Variants in ARMC8 observed in about 807,000 individuals in gnomAD.
ARMC8 encodes armadillo repeat-containing protein 8.
In ARMC8, 20 loss-of-function variants were observed where a neutral mutation model predicts 99.3. That is an observed-to-expected ratio of 0.20 (90% CI 0.14 to 0.29). The LOEUF (loss-of-function observed/expected upper bound fraction) is 0.29. Ranked by LOEUF, ARMC8 falls within the 10% of genes least tolerant of loss-of-function variation. ARMC8 has a pLI of 1.00. For synonymous variants in ARMC8, 263 were observed against 278.3 expected, an observed-to-expected ratio of 0.95 and a Z score of 0.55; for missense variants, 569 against 809.5, an observed-to-expected ratio of 0.70 and a Z score of 3.60.
chr3:138,290,386 A>G (rs564568243), intron 20 of ARMC8, among the ~76,000 whole-genome samples, 160 bp from the exon 21 acceptor site: 2 of 152,326 alleles, frequency 1.3e-5, no homozygotes, highest in South Asian at 2.1e-4. Context: ...AGAGAGTCCA[A>G]GCATGAGCGG....
chr3:138,279,422 T>A (rs1420278798), intron 18 of ARMC8, among the ~76,000 whole-genome samples: 1 of 152,222 alleles, frequency 6.6e-6, no homozygotes. Context: ...TATTATCCTT[T>A]AGATATATTG....
At chr3:138,195,281 T>C (rs901485599) in intron 1 of ARMC8, among the ~76,000 whole-genome samples, 1 of 139,366 alleles carries the variant, frequency 7.2e-6, no homozygotes, top group Non-Finnish European at 1.5e-5. Context: ...CGAGACTCCG[T>C]CTCAAAAAAA....
intron 1 of ARMC8, among the ~76,000 whole-genome samples, chr3:138,209,356 C>T (rs1157677283): frequency 6.6e-6 from 1 of 152,138 alleles, no homozygotes; most frequent in African/African-American, 2.4e-5. Context: ...TCTTTCTTTT[C>T]TGTCTTACTG....
At chr3:138,239,979 C>G (rs1438292332) in intron 10 of ARMC8, among the ~76,000 whole-genome samples, 1 of 152,126 alleles carries the variant, frequency 6.6e-6, no homozygotes, top group East Asian at 1.9e-4. Context: ...TGAAAACAAG[C>G]ATTGTCATTG....
chr3:138,189,956 A>G (rs2043282651), intron 1 of ARMC8, among the ~76,000 whole-genome samples: 1 of 151,994 alleles, frequency 6.6e-6, no homozygotes, highest in African/African-American at 2.4e-5. Context: ...ATAATCTCTG[A>G]TTCTTCCTCC....
At chr3:138,248,336 G>A (rs1229867259) in intron 12 of ARMC8, among the ~76,000 whole-genome samples, 2 of 152,186 alleles carry the variant, frequency 1.3e-5, no homozygotes, top group Non-Finnish European at 1.5e-5. Context: ...GGAATTGAGA[G>A]CTCAGTGGAA....
intron 9 of ARMC8, 88 bp downstream of exon 9, chr3:138,237,660 TC>T: frequency 9.6e-7 from 1 of 1,037,176 alleles, no homozygotes; most frequent in Non-Finnish European, 1.4e-6. Flanking sequence ...TTGCTTCCAA[TC>T]CCCATTTTAT....
At chr3:138,206,109 A>T (rs2044359221) in intron 1 of ARMC8, among the ~76,000 whole-genome samples, 1 of 152,228 alleles carries the variant, frequency 6.6e-6, no homozygotes, top group Non-Finnish European at 1.5e-5. Context: ...TCAGTATCTG[A>T]TGTATAGTTT....
chr3:138,254,315 G>C (rs1369876104), intron 12 of ARMC8, among the ~76,000 whole-genome samples: 1 of 152,206 alleles, frequency 6.6e-6, no homozygotes, highest in East Asian at 1.9e-4. Flanking sequence ...CTGGCATATT[G>C]TAGGTGTTAT....
chr3:138,236,751 A>G (rs185355310), intron 7 of ARMC8, among the ~76,000 whole-genome samples: 33 of 151,802 alleles, frequency 2.2e-4, no homozygotes, highest in African/African-American at 7.7e-4. Context: ...AAAAAAAAAC[A>G]TCTCTTAGGA....
chr3:138,236,404 T>C (rs1005441294), intron 7 of ARMC8, among the ~76,000 whole-genome samples: 2 of 152,204 alleles, frequency 1.3e-5, no homozygotes, highest in African/African-American at 2.4e-5. Context: ...CCCCCAGCTC[T>C]TCCTCCATTT....
At chr3:138,252,646 G>T (rs1007561334) in intron 12 of ARMC8, among the ~76,000 whole-genome samples, 4 of 138,736 alleles carry the variant, frequency 2.9e-5, no homozygotes, top group Non-Finnish European at 4.5e-5. Flanking sequence ...GTAGAGATGG[G>T]GTTTTCACTA....
chr3:138,281,217 G>GTGT (rs2049880944), intron 18 of ARMC8, among the ~76,000 whole-genome samples: 1 of 149,778 alleles, frequency 6.7e-6, no homozygotes, highest in Non-Finnish European at 1.5e-5. Flanking sequence ...TAATGGTGTG[G>GTGT]GTGTGTGTGT....
In ARMC8 at chr3:138,187,572, G is replaced by A. The variant is rs907892861; in HGVS notation, c.18G>A (p.Glu6=). ...GGCTCAAGATGGCGTGCTTGTTGGA[G>A]ACCCCAATCCGCATGAGCGTCCTTT... MACLL[E]TPIRMSVLSE... Residue 6 remains glutamate, a synonymous_variant, in exon 1 of 22, where the codon GAG becomes GAA. Transcript: ENST00000469044. 35 of 1,535,762 alleles carry A rather than the reference G, an allele frequency of 2.3e-5. No individual in the cohort carries two copies. The highest frequency in any genetic ancestry group is 3.1e-5 in the Non-Finnish European group (35 of 1,146,740).
chr3:138,187,600 G>C lies in ARMC8; in HGVS notation c.45+1G>C. 1 of 1,535,634 alleles carries C rather than the reference G, an allele frequency of 6.5e-7. No individual in the cohort carries two copies. Among genetic ancestry groups the C allele is most frequent in the Non-Finnish European group, 8.7e-7 (1 of 1,146,530 alleles). ...CCCAATCCGCATGAGCGTCCTTTCG[G>C]TGAGTGACCCGCCGCGGCCGCCCGC... On this transcript the variant is annotated splice_donor_variant, in intron 1 of 21. Coordinates refer to ENST00000469044, the MANE Select transcript of ARMC8 (RefSeq NM_001363941.2). LOFTEE classifies it high-confidence loss of function.
intron 1 of ARMC8, among the ~76,000 whole-genome samples, chr3:138,204,658 T>C (rs1252723977): frequency 1.3e-5 from 2 of 152,194 alleles, no homozygotes; most frequent in East Asian, 3.8e-4. Flanking sequence ...ATCTTAATTA[T>C]CATCTTAGCT....
chr3:138,256,032 T>G (rs570799606), intron 12 of ARMC8, among the ~76,000 whole-genome samples: 1 of 152,336 alleles, frequency 6.6e-6, no homozygotes, highest in East Asian at 1.9e-4. Context: ...TTAAAATTCT[T>G]TGCTAGAGGA....
intron 19 of ARMC8, among the ~76,000 whole-genome samples, chr3:138,286,201 C>T (rs895328921): frequency 3.3e-5 from 5 of 152,186 alleles, no homozygotes; most frequent in African/African-American, 1.2e-4. Flanking sequence ...TCTCGGCCTC[C>T]CAAAGTGCTG....
intron 15 of ARMC8, among the ~76,000 whole-genome samples, chr3:138,268,445 C>T (rs924929867): frequency 1.3e-5 from 2 of 152,222 alleles, no homozygotes; most frequent in East Asian, 1.9e-4. Context: ...GGTGTACCAC[C>T]GTTAATCATC....
Sources: allele counts gnomAD v4.1 joint callset (sites outside exome capture counted in the v4.1 genomes callset), GRCh38; gene constraint gnomAD v4.1.1; transcripts MANE v1.5; gene names NCBI Gene and HGNC (gene_info 2026-07-23, HGNC 2026-07-21).